Variants in SERINC5 observed in about 807,000 individuals in gnomAD.
The protein encoded by SERINC5 is serine incorporator 5.
Under a neutral mutation model 63.1 loss-of-function variants are expected in SERINC5, and 41 were observed. The observed-to-expected ratio is 0.65, with a 90% CI of 0.51 to 0.84. The LOEUF (loss-of-function observed/expected upper bound fraction) is 0.84. Ranked by LOEUF, SERINC5 falls within the 40% of genes least tolerant of loss-of-function variation. The pLI is 0.00. For missense variants in SERINC5, 523 were observed against 573.0 expected, an observed-to-expected ratio of 0.91 and a Z score of 0.89; for synonymous variants, 222 against 215.2, an observed-to-expected ratio of 1.03 and a Z score of -0.28.
intron 8 of SERINC5, among the ~76,000 whole-genome samples, chr5:80,152,431 G>A (rs1746249422): frequency 6.6e-6 from 1 of 150,972 alleles, no homozygotes; most frequent in Admixed American, 6.6e-5. Context: ...AGCCTGGGAG[G>A]TTGTAGTGAG....
chr5:80,234,340 T>A (rs1467322032), intron 1 of SERINC5, among the ~76,000 whole-genome samples: 1 of 152,226 alleles, frequency 6.6e-6, no homozygotes, highest in Non-Finnish European at 1.5e-5. Flanking sequence ...TTCACCTCAC[T>A]ACACTTAAGA....
intron 1 of SERINC5, among the ~76,000 whole-genome samples, chr5:80,235,597 T>C (rs1751650563): frequency 6.6e-6 from 1 of 152,084 alleles, no homozygotes; most frequent in Admixed American, 6.6e-5. Context: ...TTTTTGTTGT[T>C]TTTTGTTTGT....
At chr5:80,243,477 G>A (rs1385979461) in intron 1 of SERINC5, among the ~76,000 whole-genome samples, 1 of 151,726 alleles carries the variant, frequency 6.6e-6, no homozygotes, top group Non-Finnish European at 1.5e-5. Flanking sequence ...CCCAGCACTG[G>A]ACAGATTCAA....
At chr5:80,117,959 T>C (rs1159603095) in intron 11 of SERINC5, among the ~76,000 whole-genome samples, 4 of 151,792 alleles carry the variant, frequency 2.6e-5, no homozygotes, top group South Asian at 2.1e-4. Flanking sequence ...TCCCAGCATG[T>C]TGGGAGGCCG....
intron 8 of SERINC5, among the ~76,000 whole-genome samples, chr5:80,154,743 T>C (rs1467108009): frequency 1.3e-5 from 2 of 152,228 alleles, no homozygotes; most frequent in South Asian, 2.1e-4. Flanking sequence ...TTGTTTGACA[T>C]TGAATAAAGA....
chr5:80,189,703 T>C (rs566803814), intron 2 of SERINC5, among the ~76,000 whole-genome samples: 2 of 152,232 alleles, frequency 1.3e-5, no homozygotes, highest in Admixed American at 6.5e-5. Flanking sequence ...AATCTGCTAG[T>C]TTCTTTTTTT....
intron 11 of SERINC5, among the ~76,000 whole-genome samples, chr5:80,133,246 C>G (rs535794993): frequency 6.6e-6 from 1 of 152,172 alleles, no homozygotes; most frequent in Admixed American, 6.5e-5. Flanking sequence ...GCCAAATAAA[C>G]CCCTTTTCTC....
rs72476401 is a variant in SERINC5, at chr5:80,230,445, C to CAAAAAAAAAA, written c.27+25441_27+25450dup. ...ACTGCATTCTAGAGCAAGACTGTCA[C>CAAAAAAAAAA]AAAAAAAAAAAAAAAAAGAAACCAT... On this transcript the variant is annotated intron_variant, in intron 1 of 11. Transcript: ENST00000507668. 7.4e-4 allele frequency among the ~76,000 whole-genome samples: 69 copies of CAAAAAAAAAA among 93,104 alleles called. 3 individuals carry two copies. The highest frequency in any genetic ancestry group is 8.4e-4 in the African/African-American group (15 of 17,958). 61.1% of individuals were successfully genotyped at this position (93,104 alleles called of 152,430 possible). A position where few individuals can be genotyped will look rare whatever the true frequency, so the allele number is the denominator to read the frequency against.
chr5:80,135,310 A>G (rs1468837901), downstream of SERINC5, among the ~76,000 whole-genome samples: 1 of 152,232 alleles, frequency 6.6e-6, no homozygotes, highest in East Asian at 1.9e-4. Context: ...TTGGGATTAC[A>G]GGCATGAGCC....
chr5:80,167,609 A>G (rs1203057239), intron 6 of SERINC5, among the ~76,000 whole-genome samples: 1 of 152,042 alleles, frequency 6.6e-6, no homozygotes, highest in Non-Finnish European at 1.5e-5. Flanking sequence ...GGACCTAATG[A>G]TAGTTTTGTT....
chr5:80,198,014 AT>A (rs1749615074), intron 2 of SERINC5, among the ~76,000 whole-genome samples: 1 of 151,828 alleles, frequency 6.6e-6, no homozygotes, highest in Non-Finnish European at 1.5e-5. Context: ...TAATTTTTGT[AT>A]TTTTAGTAGA....
At chr5:80,167,962 T>A (rs776246506) in intron 6 of SERINC5, among the ~76,000 whole-genome samples, 3 of 152,244 alleles carry the variant, frequency 2.0e-5, no homozygotes, top group Non-Finnish European at 4.4e-5. Context: ...TGTTATAATG[T>A]TGCTCTTTGG....
intron 1 of SERINC5, among the ~76,000 whole-genome samples, chr5:80,212,217 G>A (rs76953068): frequency 0.016 from 2,414 of 152,256 alleles, 58 homozygotes; most frequent in African/African-American, 0.054. Context: ...CAGTGGGATG[G>A]GGCACAGTGG....
chr5:80,220,172 T>C (rs1001107925), intron 1 of SERINC5, among the ~76,000 whole-genome samples: 10 of 151,006 alleles, frequency 6.6e-5, no homozygotes, highest in African/African-American at 2.4e-4. Flanking sequence ...AGCGCCACCA[T>C]ACTCCAGCCT....
intron 1 of SERINC5, among the ~76,000 whole-genome samples, chr5:80,231,438 G>A (rs1318575030): frequency 6.6e-6 from 1 of 152,082 alleles, no homozygotes; most frequent in Non-Finnish European, 1.5e-5. Context: ...AGCATCTACT[G>A]CAGGCCTTTG....
chr5:80,250,942 A>G lies in SERINC5; in HGVS notation c.27+4954T>C, dbSNP rs572154040. Among the ~76,000 whole-genome samples, 6 of 146,304 alleles carry G rather than the reference A, an allele frequency of 4.1e-5. No homozygotes were observed. In the South Asian group the frequency reaches 9.2e-4, roughly 22 times the overall value. ...CGAATGGAGCTCAGCTCTTTCCCCTACAGTCAATAGTTACTGAATAAACGT... is the reference window on the plus strand; with the variant it reads ...CGAATGGAGCTCAGCTCTTTCCCCTGCAGTCAATAGTTACTGAATAAACGT... On this transcript the variant is annotated intron_variant, in intron 1 of 11. Transcript: ENST00000507668.
chr5:80,240,043 T>TA (rs1751883066), intron 1 of SERINC5, among the ~76,000 whole-genome samples: 2 of 152,310 alleles, frequency 1.3e-5, no homozygotes, highest in South Asian at 4.1e-4. Context: ...ATTCTATACT[T>TA]ACTTTGAAAA....
At chr5:80,134,936 T>A (rs181811803), downstream of SERINC5, among the ~76,000 whole-genome samples, 3 of 152,358 alleles carry the variant, frequency 2.0e-5, no homozygotes, top group East Asian at 5.8e-4. Context: ...ACAATGTTTT[T>A]AAGAGAACTG....
At chr5:80,199,029 T>G (rs1749671548) in intron 2 of SERINC5, among the ~76,000 whole-genome samples, 1 of 152,142 alleles carries the variant, frequency 6.6e-6, no homozygotes, top group Admixed American at 6.5e-5. Context: ...AATATCTCCC[T>G]CTGTTTCCAT....
Sources: allele counts gnomAD v4.1 joint callset (sites outside exome capture counted in the v4.1 genomes callset), GRCh38; gene constraint gnomAD v4.1.1; transcripts MANE v1.5; gene names NCBI Gene and HGNC (gene_info 2026-07-23, HGNC 2026-07-21).